PROS1: variants seen among roughly 807,000 people sequenced by gnomAD.
PROS1 encodes vitamin K-dependent protein S.
In PROS1, 29 loss-of-function variants were observed where a neutral mutation model predicts 75.9. The ratio of observed to expected loss-of-function variants is 0.38; its 90% CI spans 0.28 to 0.52. The LOEUF (loss-of-function observed/expected upper bound fraction) is 0.52. PROS1 is among the 20% of genes least tolerant of loss of function. PROS1 has a pLI of 0.83. For missense variants in PROS1, 680 were observed against 810.3 expected (o/e 0.84, Z 1.95); for synonymous variants, 245 against 280.6 (o/e 0.87, Z 1.27).
At chr3:93,899,402 G>A (rs754711504) in intron 7 of PROS1, among the ~76,000 whole-genome samples, 1 of 151,918 alleles carries the variant, frequency 6.6e-6, no homozygotes, top group Non-Finnish European at 1.5e-5. Context: ...ATTTAAAATA[G>A]ATTCCCAAAA....
At chr3:93,917,659 G>C (rs992490647) in intron 3 of PROS1, among the ~76,000 whole-genome samples, 64 of 152,168 alleles carry the variant, frequency 4.2e-4, no homozygotes, top group Non-Finnish European at 1.9e-4. Flanking sequence ...GTGGGCGTGG[G>C]CTTGGCGGGC....
intron 9 of PROS1, among the ~76,000 whole-genome samples, chr3:93,894,696 C>T (rs1708476454): frequency 6.6e-6 from 1 of 151,926 alleles, no homozygotes; most frequent in Admixed American, 6.6e-5. Flanking sequence ...TTGACATTTA[C>T]GGAGGGAAAG....
intron 7 of PROS1, among the ~76,000 whole-genome samples, chr3:93,900,173 G>A (rs1276322763): frequency 1.1e-4 from 16 of 152,194 alleles, no homozygotes; most frequent in Admixed American, 7.9e-4. Context: ...GAAGCTTCCT[G>A]ATGCACACAG....
At chr3:93,914,120 G>A (rs1351048402) in intron 3 of PROS1, among the ~76,000 whole-genome samples, 1 of 152,226 alleles carries the variant, frequency 6.6e-6, no homozygotes, top group Non-Finnish European at 1.5e-5. Flanking sequence ...TCACAGGTTG[G>A]AGTCTTGTGC....
chr3:93,949,550 T>G (rs1263387644), intron 1 of PROS1, among the ~76,000 whole-genome samples: 24 of 152,048 alleles, frequency 1.6e-4, no homozygotes, highest in African/African-American at 5.3e-4. Flanking sequence ...AAGATGCCAC[T>G]TACATGAAAG....
Position 93,877,078 on chromosome 3 carries a change from C to G in PROS1, c.1758G>C (p.Leu586Phe), listed in dbSNP as rs774595077. 6.2e-7 allele frequency: 1 copy of G among 1,613,228 alleles called. No individual in the cohort carries two copies. ...TGGTTTCTATTTTAAGTGGTGTCGA[C>G]AACTCCAGATTGTTTCTGTTGACTC... ...EFRVNRNNLE[L>F]STPLKIETIS... Residue 586 changes from leucine to phenylalanine, a missense_variant, in exon 14 of 15, where the codon TTG becomes TTC. By Grantham distance (22) the Leu-to-Phe change is conservative. Transcript: ENST00000394236.
At chr3:93,951,398 C>T (rs962435860) in intron 1 of PROS1, among the ~76,000 whole-genome samples, 3 of 152,252 alleles carry the variant, frequency 2.0e-5, no homozygotes, top group African/African-American at 4.8e-5. Flanking sequence ...GCAGATCTCT[C>T]GGCAGAAAAT....
At chr3:93,966,090 C>A (rs1236630384) in intron 1 of PROS1, among the ~76,000 whole-genome samples, 1 of 152,104 alleles carries the variant, frequency 6.6e-6, no homozygotes, top group Non-Finnish European at 1.5e-5. Flanking sequence ...CCAATATGAG[C>A]CAGATGTATA....
rs1389544235 is a variant in PROS1, at chr3:93,905,912, A to G, written c.473T>C (p.Ile158Thr). 1.2e-6 allele frequency: 2 copies of G among 1,613,300 alleles called. No individual in the cohort carries two copies. The highest frequency in any genetic ancestry group is 2.7e-5 in the African/African-American group (2 of 74,876). ...GWQGEKCEFD[I>T]NECKDPSNIN... ...ATTTGAGGGATCTTTGCATTCATTTATGTCTAAAACAGGAAAAAAATAAAT... is the reference window on the plus strand; with the variant it reads ...ATTTGAGGGATCTTTGCATTCATTTGTGTCTAAAACAGGAAAAAAATAAAT... Residue 158 changes from isoleucine (I) to threonine (T), a missense_variant, in exon 6 of 15, where the codon ATA becomes ACA. By Grantham distance (89) the Ile-to-Thr change is moderately conservative (BLOSUM62 -1). Coordinates refer to ENST00000394236, the MANE Select transcript of PROS1 (RefSeq NM_000313.4).
intron 1 of PROS1, among the ~76,000 whole-genome samples, chr3:93,972,043 T>C (rs1426601666): frequency 3.9e-5 from 6 of 152,172 alleles, no homozygotes; most frequent in African/African-American, 1.2e-4. Flanking sequence ...TGTTTATATA[T>C]AATACACATA....
chr3:93,898,620 C>T (rs780986110), intron 7 of PROS1, 51 bp from the exon 8 acceptor site: 2 of 1,593,824 alleles, frequency 1.3e-6, no homozygotes, highest in Non-Finnish European at 1.7e-6. Flanking sequence ...CCTAAATGTT[C>T]AATCTTATAG....
intron 1 of PROS1, among the ~76,000 whole-genome samples, chr3:93,935,000 G>T (rs1306926805): frequency 2.0e-5 from 3 of 151,270 alleles, no homozygotes; most frequent in Non-Finnish European, 4.4e-5. Flanking sequence ...ACTAGACAGA[G>T]AAAGCAGTAC....
At chr3:93,926,990 G>A (rs1203917646) in intron 2 of PROS1, among the ~76,000 whole-genome samples, 1 of 152,120 alleles carries the variant, frequency 6.6e-6, no homozygotes, top group Non-Finnish European at 1.5e-5. Flanking sequence ...CAAACCATGA[G>A]GTCAATACTA....
At chr3:93,903,238 T>G (rs1298080882) in intron 6 of PROS1, among the ~76,000 whole-genome samples, 3 of 152,196 alleles carry the variant, frequency 2.0e-5, no homozygotes, top group African/African-American at 4.8e-5. Context: ...TAAACAATAA[T>G]GCAAATGAAT....
intron 9 of PROS1, among the ~76,000 whole-genome samples, chr3:93,895,638 C>T (rs1347433230): frequency 6.6e-6 from 1 of 152,088 alleles, no homozygotes; most frequent in Non-Finnish European, 1.5e-5. Flanking sequence ...TTTGCCTTCT[C>T]ATTATTCCAA....
intron 1 of PROS1, among the ~76,000 whole-genome samples, chr3:93,939,342 T>C (rs554551036): frequency 1.8e-4 from 28 of 152,184 alleles, no homozygotes; most frequent in African/African-American, 5.8e-4. Context: ...CTCTCGCCCG[T>C]CCCCTCAGTC....
At chr3:93,879,758 C>G (rs1559928259) in intron 12 of PROS1, among the ~76,000 whole-genome samples, 1 of 152,178 alleles carries the variant, frequency 6.6e-6, no homozygotes, top group Non-Finnish European at 1.5e-5. Flanking sequence ...GATCTATATA[C>G]ATAGGAGAGT....
At chr3:93,924,381 C>A (rs1708986732) in intron 2 of PROS1, 117 bp from the exon 3 acceptor site, 1 of 488,912 alleles carries the variant, frequency 2.0e-6, no homozygotes, top group East Asian at 5.2e-5. Context: ...ATATAACCAT[C>A]ATTTTCACAT....
intron 1 of PROS1, among the ~76,000 whole-genome samples, chr3:93,964,256 G>T (rs1403012607): frequency 1.3e-5 from 2 of 152,180 alleles, no homozygotes; most frequent in African/African-American, 4.8e-5. Context: ...TCCCTGCGGG[G>T]TTGGGCAAAA....
Sources: gnomAD v4.1 joint callset for allele counts (sites outside exome capture counted in the v4.1 genomes callset) on GRCh38, gnomAD v4.1.1 for gene constraint, MANE v1.5 for transcripts, NCBI Gene and HGNC (gene_info 2026-07-23, HGNC 2026-07-21) for gene names.